Variants in NCOA3 observed in about 807,000 individuals in gnomAD.
NCOA3 encodes the protein nuclear receptor coactivator 3.
In NCOA3, 51 loss-of-function variants were observed where a neutral mutation model predicts 158.8. The ratio of observed to expected loss-of-function variants is 0.32; its 90% CI spans 0.26 to 0.41. The LOEUF (loss-of-function observed/expected upper bound fraction) is 0.41, where lower values mean the gene tolerates loss of function less well. Ranked by LOEUF, NCOA3 falls within the 10% of genes least tolerant of loss-of-function variation. The probability of loss-of-function intolerance (pLI) is 1.00; values close to 1 mark genes in which losing one functional copy is unlikely to be tolerated. For synonymous variants in NCOA3, 537 were observed against 592.4 expected, an observed-to-expected ratio of 0.91 and a Z score of 1.36; for missense variants, 1,510 against 1,746.6, an observed-to-expected ratio of 0.86 and a Z score of 2.41.
At chr20:47,638,265 C>T (rs935002813) in intron 13 of NCOA3, among the ~76,000 whole-genome samples, 33 of 152,154 alleles carry the variant, frequency 2.2e-4, no homozygotes, top group African/African-American at 7.7e-4. Flanking sequence ...CAAAGGTAGG[C>T]CGGGCATGGT....
At chr20:47,574,286 T>C (rs1335487193) in intron 1 of NCOA3, among the ~76,000 whole-genome samples, 1 of 152,204 alleles carries the variant, frequency 6.6e-6, no homozygotes, top group Non-Finnish European at 1.5e-5. Flanking sequence ...TTAATTTTTC[T>C]AAGATTACAT....
chr20:47,652,997 T>C lies in NCOA3; in HGVS notation c.4188T>C (p.Asn1396=), dbSNP rs925224884. ...CAGTGTATAGTATGGTGCACATGAA[T>C]GGCAGCAGTGGTCACATGGGACAGA... ...NPAVYSMVHM[N]GSSGHMGQMN... is the part of the protein sequence containing the mutation. The change falls in exon 22 of 23, where the codon AAT becomes AAC. Residue 1396 remains asparagine, a synonymous_variant. Coordinates refer to ENST00000371998, the MANE Select transcript of NCOA3 (RefSeq NM_181659.3). 1 of 1,614,180 alleles carries C rather than the reference T, an allele frequency of 6.2e-7. No homozygotes were observed.
intron 16 of NCOA3, among the ~76,000 whole-genome samples, chr20:47,641,434 C>T (rs1353159021): frequency 6.7e-6 from 1 of 149,482 alleles, no homozygotes; most frequent in Non-Finnish European, 1.5e-5. Context: ...ATCTGCCCAC[C>T]TCTACCTCCC....
chr20:47,624,913 C>T (rs1399085030), intron 4 of NCOA3, among the ~76,000 whole-genome samples: 1 of 152,130 alleles, frequency 6.6e-6, no homozygotes, highest in Non-Finnish European at 1.5e-5. Flanking sequence ...GCTAGGATTA[C>T]AGGCACCTGC....
At chr20:47,510,982 C>T (rs2084114114) in intron 1 of NCOA3, among the ~76,000 whole-genome samples, 1 of 151,988 alleles carries the variant, frequency 6.6e-6, no homozygotes, top group Non-Finnish European at 1.5e-5. Context: ...TTGTTGTTGC[C>T]TACTCTTCCA....
At position 47,599,151 on chromosome 20, in the gene NCOA3, C is replaced by T. The variant is rs548696167; in HGVS notation, c.-20+15890C>T. ...TGAAATGGAATGAAGGCACATTTCT[C>T]GTAATGTATCCCTGTCATTAAGCTA... On this transcript the variant is annotated intron_variant, in intron 2 of 22. Coordinates refer to ENST00000371998, the MANE Select transcript of NCOA3 (RefSeq NM_181659.3). Among the ~76,000 whole-genome samples the T allele has an allele frequency of 2.0e-5, 3 of 152,210 alleles. No individual in the cohort carries two copies. The South Asian group carries it at 6.2e-4, about 32-fold the overall frequency.
chr20:47,575,741 G>A (rs1356223108), intron 1 of NCOA3, among the ~76,000 whole-genome samples: 2 of 152,184 alleles, frequency 1.3e-5, no homozygotes, highest in African/African-American at 4.8e-5. Flanking sequence ...TTAAGTCAAT[G>A]AGTCTGTTAA....
At position 47,513,266 on chromosome 20, in the gene NCOA3, G is replaced by A. The variant is rs923141191; in HGVS notation, c.-99+11247G>A. ...TGGGTTCCCCCCAAGAGAAACACAAGCTTAGGTCCACACACTACCCTATAC... is the reference window on the plus strand; with the variant it reads ...TGGGTTCCCCCCAAGAGAAACACAAACTTAGGTCCACACACTACCCTATAC... On this transcript the variant is annotated intron_variant, in intron 1 of 22. Transcript: ENST00000371998. Among the ~76,000 whole-genome samples the A allele has an allele frequency of 2.6e-5, 4 of 152,164 alleles. No homozygotes were observed. The East Asian group carries it at 7.7e-4, about 29-fold the overall frequency.
intron 1 of NCOA3, among the ~76,000 whole-genome samples, chr20:47,579,436 C>A (rs1229840097): frequency 6.6e-6 from 1 of 152,122 alleles, no homozygotes; most frequent in Non-Finnish European, 1.5e-5. Flanking sequence ...TGATGAAAAT[C>A]TGAATTGTGA....
chr20:47,604,254 G>A (rs1184445774), intron 2 of NCOA3, among the ~76,000 whole-genome samples: 1 of 152,190 alleles, frequency 6.6e-6, no homozygotes, highest in Non-Finnish European at 1.5e-5. Flanking sequence ...TGATGGATGT[G>A]CATTTTAGAG....
chr20:47,577,059 T>A (rs1478362395), intron 1 of NCOA3, among the ~76,000 whole-genome samples: 1 of 152,244 alleles, frequency 6.6e-6, no homozygotes, highest in Non-Finnish European at 1.5e-5. Context: ...TTTTAAGTTT[T>A]CTCCTTAATC....
rs2086847279 is a variant in NCOA3 at position 47,654,779 on chromosome 20, T to TAAAA, written c.*1366_*1369dup. On this transcript the variant is annotated 3_prime_UTR_variant, in exon 23 of 23. Coordinates refer to ENST00000371998, the MANE Select transcript of NCOA3 (RefSeq NM_181659.3). The stretch of plus-strand genomic sequence containing the variant: ...TAAACTTAAAAAAAAATCAGGAATT[T>TAAAA]AAAAAAACGAGCAATTTGAAGAGAA... 6.6e-6 allele frequency: 1 copy of TAAAA among 152,082 alleles called. No homozygotes were observed. The highest frequency in any genetic ancestry group is 1.5e-5 in the Non-Finnish European group (1 of 68,014). 9.4% of individuals were successfully genotyped at this position (152,082 alleles called of 1,614,324 possible). A position where few individuals can be genotyped will look rare whatever the true frequency, so the allele number is the denominator to read the frequency against.
chr20:47,602,643 C>G (rs981992684), intron 2 of NCOA3, among the ~76,000 whole-genome samples: 1 of 152,156 alleles, frequency 6.6e-6, no homozygotes, highest in Non-Finnish European at 1.5e-5. Context: ...ATCCTACTGT[C>G]TTTTCATTTC....
intron 1 of NCOA3, among the ~76,000 whole-genome samples, chr20:47,531,610 C>T (rs1315072711): frequency 6.6e-6 from 1 of 152,190 alleles, no homozygotes; most frequent in African/African-American, 2.4e-5. Flanking sequence ...TCCATCCCTT[C>T]CCTGTGATCT....
Position 47,656,749 on chromosome 20 carries a change from TAGA to T in NCOA3, c.*3334_*3336del, listed in dbSNP as rs2086884719. ...GTTTACATTATGTTGCTTAAAAAAATAGAAATTATTCTTTATCTTGCAAAGAAT... is the reference window on the plus strand; with the variant it reads ...GTTTACATTATGTTGCTTAAAAAAATAATTATTCTTTATCTTGCAAAGAAT... On this transcript the variant is annotated 3_prime_UTR_variant, in exon 23 of 23. Coordinates refer to ENST00000371998, the MANE Select transcript of NCOA3 (RefSeq NM_181659.3). The T allele has an allele frequency of 6.6e-6, 1 of 152,556 alleles. No homozygotes were observed. The highest frequency in any genetic ancestry group is 2.4e-5 in the African/African-American group (1 of 41,436). The allele number at this position is 152,556 out of a possible 1,614,324, so 9.5% of individuals were successfully genotyped here. A position where few individuals can be genotyped will look rare whatever the true frequency, so the allele number is the denominator to read the frequency against.
chr20:47,607,868 G>A (rs1045953192), intron 2 of NCOA3, among the ~76,000 whole-genome samples: 1 of 152,050 alleles, frequency 6.6e-6, no homozygotes, highest in African/African-American at 2.4e-5. Flanking sequence ...ACATTGCACC[G>A]GATTGAATGC....
In NCOA3 at chr20:47,651,079, AGC is replaced by A; in HGVS notation, c.3750_3751del (p.Gln1251AlafsTer34). The A allele has an allele frequency of 4.8e-6, 6 of 1,255,226 alleles. No individual in the cohort carries two copies. The highest frequency in any genetic ancestry group is 6.7e-6 in the Non-Finnish European group (6 of 900,868). The allele number at this position is 1,255,226 out of a possible 1,614,324, so 77.8% of individuals were successfully genotyped here. On this transcript the variant is annotated frameshift_variant, in exon 20 of 23. Coordinates refer to ENST00000371998, the MANE Select transcript of NCOA3 (RefSeq NM_181659.3). LOFTEE classifies it high-confidence loss of function. ...AGGGTGGCTATGATGATGCAGCAGC[AGC>A]AGCAGCAGCAACAGCAGCAGCAGCA...
At chr20:47,544,316 C>CTTTTTTTTTTTTT (rs397866275) in intron 1 of NCOA3, among the ~76,000 whole-genome samples, 17 of 99,710 alleles carry the variant, frequency 1.7e-4, no homozygotes, top group African/African-American at 6.6e-4. Context: ...TTTAATACTA[C>CTTTTTTTTTTTTT]TTTTTTTTTT....
chr20:47,516,091 T>G (rs1185475953), intron 1 of NCOA3, among the ~76,000 whole-genome samples: 2 of 152,192 alleles, frequency 1.3e-5, no homozygotes, highest in Non-Finnish European at 2.9e-5. Flanking sequence ...CTACTCTGTA[T>G]GATAGATACT....
Sources: gnomAD v4.1 joint callset for allele counts (sites outside exome capture counted in the v4.1 genomes callset) on GRCh38, gnomAD v4.1.1 for gene constraint, MANE v1.5 for transcripts, NCBI Gene and HGNC (gene_info 2026-07-23, HGNC 2026-07-21) for gene names.